The following BCAS3 variants were observed in gnomAD, a reference collection of about 807,000 sequenced individuals.
The protein encoded by BCAS3 is BCAS4/BCAS3 fusion.
In BCAS3, 53 loss-of-function variants were observed where a neutral mutation model predicts 116.1. That is an observed-to-expected ratio of 0.46 (90% CI 0.37 to 0.57). The LOEUF is 0.57. Ranked by LOEUF, BCAS3 falls within the 20% of genes least tolerant of loss-of-function variation. The pLI, the probability that BCAS3 is intolerant of heterozygous loss-of-function variation, is 0.00. For missense variants in BCAS3, 917 were observed against 1,165.4 expected (o/e 0.79, Z 3.10); for synonymous variants, 391 against 408.2 (o/e 0.96, Z 0.51).
At chr17:61,109,184 C>CAA (rs4011679) in intron 22 of BCAS3, among the ~76,000 whole-genome samples, 7 of 57,398 alleles carry the variant, frequency 1.2e-4, no homozygotes, top group African/African-American at 2.0e-4. Context: ...GACTTTGTCT[C>CAA]AAAAAAAAAA....
chr17:60,851,045 T>A (rs1353173058), intron 7 of BCAS3, among the ~76,000 whole-genome samples: 1 of 152,130 alleles, frequency 6.6e-6, no homozygotes, highest in South Asian at 2.1e-4. Context: ...ACCTCTTAAG[T>A]ACAACACCGA....
At chr17:60,826,427 G>A (rs1374744667) in intron 7 of BCAS3, among the ~76,000 whole-genome samples, 1 of 151,852 alleles carries the variant, frequency 6.6e-6, no homozygotes, top group South Asian at 2.1e-4. Flanking sequence ...CTCTCGTGTC[G>A]GCCTCTCAAA....
rs912390597 is a variant in BCAS3 at position 61,069,855 on chromosome 17, A to T, written c.2030-5065A>T. On this transcript the variant is annotated intron_variant, in intron 19 of 23. Coordinates refer to ENST00000407086, the MANE Select transcript of BCAS3 (RefSeq NM_017679.5). ...TGTGTAAAAAAAAAAAAAAAAAAAA[A>T]GACCCTTTTCACAAGATGGCGCCGA... is the stretch of plus-strand genomic sequence containing the variant. 5 of 830,716 alleles carry T rather than the reference A, an allele frequency of 6.0e-6. No homozygotes were observed. In the East Asian group the frequency reaches 9.9e-5, roughly 16 times the overall value. The allele number at this position is 830,716 out of a possible 1,614,324, so 51.5% of individuals were successfully genotyped here.
intron 7 of BCAS3, among the ~76,000 whole-genome samples, chr17:60,833,816 C>T (rs749562294): frequency 7.2e-5 from 11 of 152,160 alleles, no homozygotes; most frequent in South Asian, 2.1e-4. Context: ...TGTCATTTGA[C>T]GCCCCTTCAT....
intron 22 of BCAS3, among the ~76,000 whole-genome samples, chr17:61,191,132 AT>A (rs755601938): frequency 6.6e-6 from 1 of 152,020 alleles, no homozygotes; most frequent in Non-Finnish European, 1.5e-5. Flanking sequence ...CAAAAAAATA[AT>A]TTAAAAAAAA....
chr17:61,290,556 T>G (rs947638615), intron 22 of BCAS3, among the ~76,000 whole-genome samples: 4 of 152,192 alleles, frequency 2.6e-5, no homozygotes, highest in Non-Finnish European at 5.9e-5. Context: ...GCTTTTTAAT[T>G]TATACTTTCA....
At chr17:60,966,113 G>A (rs1422085016) in intron 14 of BCAS3, among the ~76,000 whole-genome samples, 1 of 152,078 alleles carries the variant, frequency 6.6e-6, no homozygotes, top group Non-Finnish European at 1.5e-5. Flanking sequence ...ATCTTAGATT[G>A]GTTGTCTATT....
At position 60,700,185 on chromosome 17, in the gene BCAS3, A is replaced by AAAAAAAAAAAAAG. The variant is rs1319555739; in HGVS notation, c.215-9034_215-9033insAAAAAAAAAAAAG. 1.5e-3 allele frequency among the ~76,000 whole-genome samples: 215 copies of AAAAAAAAAAAAAG among 147,068 alleles called. 5 individuals carry two copies. Among genetic ancestry groups the AAAAAAAAAAAAAG allele is most frequent in the African/African-American group, 5.5e-3 (204 of 36,924 alleles). On this transcript the variant is annotated intron_variant, in intron 4 of 23. Transcript: ENST00000407086. ...TGAGACCCTGTCTCAAAAAAAAAAA[A>AAAAAAAAAAAAAG]GAAGCAGTTCAACTCTTACGTGAAG...
At chr17:60,736,309 C>CT (rs375625714) in intron 5 of BCAS3, among the ~76,000 whole-genome samples, 55 of 149,058 alleles carry the variant, frequency 3.7e-4, no homozygotes, top group Admixed American at 2.0e-3. Flanking sequence ...CTTGTAATGT[C>CT]TTTTTTTTTT....
At position 61,105,646 on chromosome 17, in the gene BCAS3, C is replaced by T. The variant is rs546923878; in HGVS notation, c.2425+21082C>T. On this transcript the variant is annotated intron_variant, in intron 22 of 23. Transcript: ENST00000407086. This position sits in a 1 kb window ranked among gnomAD's most constrained non-coding sequence, Gnocchi z 4.3. ...TTCTCCATGTTGGTCAGGCTGGTCT[C>T]GAACTCCCCACCTCAGGTGATCCAC... Among the ~76,000 whole-genome samples, 62 of 152,126 alleles carry T rather than the reference C, an allele frequency of 4.1e-4. No homozygotes were observed. The highest frequency in any genetic ancestry group is 3.4e-3 in the Middle Eastern group (1 of 294).
At position 61,219,166 on chromosome 17, in the gene BCAS3, T is replaced by A. The variant is rs189133576; in HGVS notation, c.2425+134602T>A. 4.6e-5 allele frequency among the ~76,000 whole-genome samples: 7 copies of A among 152,322 alleles called. No homozygotes were observed. In the East Asian group the frequency reaches 1.3e-3, roughly 29 times the overall value. On this transcript the variant is annotated intron_variant, in intron 22 of 23. Transcript: ENST00000407086. This position sits in a 1 kb window ranked among gnomAD's most constrained non-coding sequence, Gnocchi z 5.2. ...AGGTCTGTAGCCTTTTTGAGAAGTG[T>A]TCACTCTTCTTATGGGGGACGAAGG...
Position 61,302,842 on chromosome 17 carries a change from G to A in BCAS3, c.2426-65485G>A, listed in dbSNP as rs1009835995. ...GTGAGACGGAACAGTTCTGGCCATA[G>A]GGAGGATGTAGGGTCTAGATCACTT... On this transcript the variant is annotated intron_variant, in intron 22 of 23. Coordinates refer to ENST00000407086, the MANE Select transcript of BCAS3 (RefSeq NM_017679.5). The surrounding 1 kb of genome is among the most constrained non-coding windows in gnomAD (Gnocchi z 4.4). Among the ~76,000 whole-genome samples, 6 of 152,194 alleles carry A rather than the reference G, an allele frequency of 3.9e-5. No individual in the cohort carries two copies. Among genetic ancestry groups the A allele is most frequent in the African/African-American group, 1.2e-4 (5 of 41,438 alleles).
intron 6 of BCAS3, among the ~76,000 whole-genome samples, chr17:60,792,689 A>G (rs916821974): frequency 3.9e-5 from 6 of 152,318 alleles, no homozygotes; most frequent in African/African-American, 1.4e-4. Flanking sequence ...GCTGTTAAAA[A>G]GAACCTCCCC....
intron 3 of BCAS3, among the ~76,000 whole-genome samples, chr17:60,684,343 C>T (rs1436213741): frequency 6.6e-6 from 1 of 151,988 alleles, no homozygotes; most frequent in Non-Finnish European, 1.5e-5. Flanking sequence ...TTAAGTGTTG[C>T]CTGCCAGAAG....
At chr17:60,855,004 C>T (rs1423610903) in intron 7 of BCAS3, among the ~76,000 whole-genome samples, 6 of 120,502 alleles carry the variant, frequency 5.0e-5, no homozygotes, top group African/African-American at 2.2e-4. Context: ...GGCTGGAGTG[C>T]AGTGGTGCGA....
chr17:61,055,313 G>A lies in BCAS3; in HGVS notation c.2029+14421G>A, dbSNP rs557063793. 4.1e-4 allele frequency among the ~76,000 whole-genome samples: 62 copies of A among 152,268 alleles called. No individual in the cohort carries two copies. In the South Asian group the frequency reaches 4.4e-3, roughly 11 times the overall value. ...TGTTAGTGGTAACAGGAATTCTGGC[G>A]CCATTTCAGGGTGACTATTTGTATT... is the stretch of plus-strand genomic sequence containing the variant. On this transcript the variant is annotated intron_variant, in intron 19 of 23. Transcript: ENST00000407086.
intron 22 of BCAS3, among the ~76,000 whole-genome samples, chr17:61,091,208 A>G (rs1467118194): frequency 2.0e-5 from 3 of 152,246 alleles, no homozygotes; most frequent in Non-Finnish European, 4.4e-5. Context: ...ACATGGCTTT[A>G]AATCTTTCCT....
chr17:61,339,832 C>T lies in BCAS3; in HGVS notation c.2426-28495C>T, dbSNP rs961854598. The stretch of plus-strand genomic sequence containing the variant: ...GTAAAAGAGACTGCAAAGTAGCGGC[C>T]GGAAAGATGGGAGGAAAACCAGGTG... On this transcript the variant is annotated intron_variant, in intron 22 of 23. Transcript: ENST00000407086. The surrounding 1 kb of genome is among the most constrained non-coding windows in gnomAD (Gnocchi z 4.4). 6.6e-6 allele frequency among the ~76,000 whole-genome samples: 1 copy of T among 151,234 alleles called. No individual in the cohort carries two copies. Among genetic ancestry groups the T allele is most frequent in the South Asian group, 2.1e-4 (1 of 4,778 alleles).
chr17:60,825,586 T>C (rs1316489620), intron 7 of BCAS3, among the ~76,000 whole-genome samples: 1 of 148,548 alleles, frequency 6.7e-6, no homozygotes, highest in African/African-American at 2.4e-5. Context: ...TTTATAATAA[T>C]TTATAAATAA....
Sources: gnomAD v4.1 joint callset for allele counts (sites outside exome capture counted in the v4.1 genomes callset) on GRCh38, gnomAD v4.1.1 for gene constraint, Gnocchi (gnomAD v3.1) non-coding constraint, MANE v1.5 for transcripts, NCBI Gene and HGNC (gene_info 2026-07-23, HGNC 2026-07-21) for gene names.